GRIK1: variants seen among roughly 807,000 people sequenced by gnomAD.
GRIK1 encodes glutamate receptor ionotropic, kainate 1.
In GRIK1, 69 loss-of-function variants were observed where a neutral mutation model predicts 105.7. That is an observed-to-expected ratio of 0.65 (90% confidence interval 0.54 to 0.80). The LOEUF (loss-of-function observed/expected upper bound fraction) is 0.80. Ranked by LOEUF, GRIK1 falls within the 30% of genes least tolerant of loss-of-function variation. The probability of loss-of-function intolerance (pLI) is 0.00; values close to 1 mark genes in which losing one functional copy is unlikely to be tolerated. For missense variants in GRIK1, 1,109 were observed against 1,167.3 expected, an observed-to-expected ratio of 0.95 and a Z score of 0.73; for synonymous variants, 438 against 431.3, an observed-to-expected ratio of 1.02 and a Z score of -0.19.
intron 7 of GRIK1, among the ~76,000 whole-genome samples, chr21:29,636,803 T>G (rs2062406754): frequency 1.3e-5 from 2 of 152,224 alleles, no homozygotes; most frequent in Non-Finnish European, 2.9e-5. Flanking sequence ...TATCTGAAAC[T>G]TCGTTTTGTC....
chr21:29,611,444 T>G (rs970710210), intron 7 of GRIK1, among the ~76,000 whole-genome samples: 33 of 152,222 alleles, frequency 2.2e-4, no homozygotes, highest in Non-Finnish European at 3.7e-4. Context: ...ACCATCCAGA[T>G]GGTTCCTTCA....
rs1359666312 is a variant in GRIK1 at position 29,849,028 on chromosome 21, G to A, written c.118+90355C>T. Reference sequence around the variant, plus strand: ...ACCCAAATCTGTTTTGTTAACCAAGGTCTACAAACACACATAGTATAGTTC... The same window carrying A: ...ACCCAAATCTGTTTTGTTAACCAAGATCTACAAACACACATAGTATAGTTC... On this transcript the variant is annotated intron_variant, in intron 1 of 17. Transcript: ENST00000327783. Among the ~76,000 whole-genome samples the A allele has an allele frequency of 2.0e-5, 3 of 151,676 alleles. No homozygotes were observed. The East Asian group carries it at 5.8e-4, about 29-fold the overall frequency.
chr21:29,769,789 C>T (rs964538677), intron 1 of GRIK1, among the ~76,000 whole-genome samples: 1 of 152,102 alleles, frequency 6.6e-6, no homozygotes, highest in Non-Finnish European at 1.5e-5. Flanking sequence ...TTCTCCCTTA[C>T]GGCCCTCAGG....
intron 1 of GRIK1, among the ~76,000 whole-genome samples, chr21:29,792,861 T>C (rs182354019): frequency 5.2e-4 from 79 of 152,072 alleles, no homozygotes; most frequent in African/African-American, 1.9e-3. Flanking sequence ...GCACGAAGAG[T>C]AATTGTTTTA....
chr21:29,558,138 T>C (rs1362183600), intron 15 of GRIK1, among the ~76,000 whole-genome samples: 1 of 152,116 alleles, frequency 6.6e-6, no homozygotes, highest in Non-Finnish European at 1.5e-5. Flanking sequence ...TTGTCCTGAG[T>C]GTCTCTAAGA....
chr21:29,722,122 C>T (rs557424040), intron 1 of GRIK1, among the ~76,000 whole-genome samples: 2 of 152,084 alleles, frequency 1.3e-5, no homozygotes, highest in South Asian at 2.1e-4. Flanking sequence ...GTATGCTTAC[C>T]TCTGTCATAA....
At chr21:29,851,076 A>C (rs1251821379) in intron 1 of GRIK1, among the ~76,000 whole-genome samples, 1 of 148,396 alleles carries the variant, frequency 6.7e-6, no homozygotes, top group African/African-American at 2.5e-5. Context: ...TTTTCTTGAG[A>C]TGGAGTCTCT....
At chr21:29,724,487 C>T (rs2064403427) in intron 1 of GRIK1, among the ~76,000 whole-genome samples, 1 of 152,194 alleles carries the variant, frequency 6.6e-6, no homozygotes, top group Non-Finnish European at 1.5e-5. Flanking sequence ...TGCAATACCC[C>T]TATTTACAGC....
chr21:29,886,999 T>TA (rs1246363769), intron 1 of GRIK1, among the ~76,000 whole-genome samples: 2 of 152,200 alleles, frequency 1.3e-5, no homozygotes, highest in Non-Finnish European at 2.9e-5. Context: ...CATAGCTCAT[T>TA]AAAATTCCTT....
At chr21:29,847,109 G>T (rs1188859520) in intron 1 of GRIK1, among the ~76,000 whole-genome samples, 1 of 151,858 alleles carries the variant, frequency 6.6e-6, no homozygotes, top group South Asian at 2.1e-4. Flanking sequence ...GTCCTTTAAT[G>T]AACCATTTTC....
At chr21:29,547,686 T>C (rs1431227459) in intron 16 of GRIK1, among the ~76,000 whole-genome samples, 1 of 152,256 alleles carries the variant, frequency 6.6e-6, no homozygotes, top group African/African-American at 2.4e-5. Flanking sequence ...AGAAACGTTA[T>C]TTCTAAATTG....
chr21:29,719,100 A>G (rs941368393), intron 1 of GRIK1, among the ~76,000 whole-genome samples: 16 of 148,176 alleles, frequency 1.1e-4, no homozygotes, highest in African/African-American at 3.9e-4. Context: ...ATATATATAT[A>G]TGATTGGTGC....
intron 7 of GRIK1, among the ~76,000 whole-genome samples, chr21:29,603,343 A>T (rs370998369): frequency 6.6e-6 from 1 of 151,972 alleles, no homozygotes; most frequent in African/African-American, 2.4e-5. Flanking sequence ...GTAACACATA[A>T]AAAGAAATAC....
intron 1 of GRIK1, among the ~76,000 whole-genome samples, chr21:29,783,912 G>A (rs1346418300): frequency 6.6e-6 from 1 of 152,080 alleles, no homozygotes; most frequent in Non-Finnish European, 1.5e-5. Flanking sequence ...TGAACAAACT[G>A]AGCCCCGACT....
At chr21:29,647,766 G>A (rs933622523) in intron 6 of GRIK1, among the ~76,000 whole-genome samples, 1 of 152,082 alleles carries the variant, frequency 6.6e-6, no homozygotes, top group Non-Finnish European at 1.5e-5. Context: ...GAACAAAGTA[G>A]ATTTTATAAA....
chr21:29,877,068 T>A (rs764907396), intron 1 of GRIK1, among the ~76,000 whole-genome samples: 5 of 152,200 alleles, frequency 3.3e-5, no homozygotes, highest in Non-Finnish European at 7.4e-5. Context: ...TGCTAAAATA[T>A]TTCTAAGGCT....
At chr21:29,858,841 G>A (rs1341359595) in intron 1 of GRIK1, among the ~76,000 whole-genome samples, 2 of 151,412 alleles carry the variant, frequency 1.3e-5, no homozygotes, top group East Asian at 3.9e-4. Flanking sequence ...ATACTCAAGG[G>A]GCCAAACACA....
At chr21:29,899,515 T>C (rs1179546517) in intron 1 of GRIK1, among the ~76,000 whole-genome samples, 3 of 151,600 alleles carry the variant, frequency 2.0e-5, no homozygotes, top group Admixed American at 6.6e-5. Flanking sequence ...ATAGTATCTA[T>C]AGAGTGATAA....
Position 29,933,646 on chromosome 21 carries a change from T to C in GRIK1, c.118+5737A>G, listed in dbSNP as rs76957479. On this transcript the variant is annotated intron_variant, in intron 1 of 17. Coordinates refer to ENST00000327783, the MANE Select transcript of GRIK1 (RefSeq NM_001330994.2). ...AGAGAGAGAGAGGGAGAGAGTTATC[T>C]TCCTCAAGACTGAAGGTATGCCATG... is the stretch of plus-strand genomic sequence containing the variant. Among the ~76,000 whole-genome samples, 116 of 152,254 alleles carry C rather than the reference T, an allele frequency of 7.6e-4. No homozygotes were observed. In the East Asian group the frequency reaches 0.018, roughly 23 times the overall value.
Sources: allele counts gnomAD v4.1 joint callset (sites outside exome capture counted in the v4.1 genomes callset), GRCh38; gene constraint gnomAD v4.1.1; transcripts MANE v1.5; gene names NCBI Gene and HGNC (gene_info 2026-07-23, HGNC 2026-07-21).